CDH9: variants seen among roughly 807,000 people sequenced by gnomAD.
CDH9 encodes cadherin 9.
Under a neutral mutation model 70.9 loss-of-function variants are expected in CDH9, and 28 were observed. That is an observed-to-expected ratio of 0.40 (90% CI 0.29 to 0.54). CDH9 has a LOEUF of 0.54. Among genes scored for constraint, CDH9 ranks in the 20% least tolerant of loss-of-function variants. The pLI is 0.59. For synonymous variants in CDH9, 409 were observed against 343.1 expected, an observed-to-expected ratio of 1.19 and a Z score of -2.12; for missense variants, 874 against 984.4, an observed-to-expected ratio of 0.89 and a Z score of 1.50.
At chr5:26,950,682 A>G (rs1239925795) in intron 2 of CDH9, among the ~76,000 whole-genome samples, 1 of 152,252 alleles carries the variant, frequency 6.6e-6, no homozygotes, top group Admixed American at 6.5e-5. Flanking sequence ...ATACATAGAA[A>G]AAGAGATCAA....
intron 1 of CDH9, 78 bp from the exon 2 acceptor site, chr5:26,988,460 T>C (rs1370825848): frequency 1.3e-5 from 16 of 1,242,490 alleles, no homozygotes; most frequent in Non-Finnish European, 1.6e-5. Context: ...GAAATACTTA[T>C]TCCAGACATT....
intron 7 of CDH9, among the ~76,000 whole-genome samples, chr5:26,898,676 T>G (rs538593734): frequency 1.3e-5 from 2 of 152,152 alleles, no homozygotes; most frequent in Non-Finnish European, 2.9e-5. Flanking sequence ...TCACTCAAGA[T>G]GGACTGAAGA....
chr5:26,959,525 AAT>A (rs1322175420), intron 2 of CDH9, among the ~76,000 whole-genome samples: 1 of 152,132 alleles, frequency 6.6e-6, no homozygotes, highest in African/African-American at 2.4e-5. Flanking sequence ...AATAATTGAA[AAT>A]ATGTTTTCAC....
chr5:26,946,159 G>A (rs1741748868), intron 2 of CDH9, among the ~76,000 whole-genome samples: 1 of 152,152 alleles, frequency 6.6e-6, no homozygotes, highest in Non-Finnish European at 1.5e-5. Flanking sequence ...TTCTAGCTGT[G>A]TGAAAGAGAC....
intron 2 of CDH9, among the ~76,000 whole-genome samples, chr5:26,984,234 G>A (rs1255135038): frequency 6.6e-6 from 1 of 152,062 alleles, no homozygotes; most frequent in Admixed American, 6.6e-5. Flanking sequence ...ATTTAATAGT[G>A]GCTACCTATA....
At chr5:26,992,111 C>T (rs1315145700) in intron 1 of CDH9, among the ~76,000 whole-genome samples, 1 of 152,130 alleles carries the variant, frequency 6.6e-6, no homozygotes, top group Non-Finnish European at 1.5e-5. Flanking sequence ...CCTTGCACGC[C>T]CAGCTCACAA....
Position 26,961,826 on chromosome 5 carries a change from CT to C in CDH9, c.228+26279del, listed in dbSNP as rs527585380. On this transcript the variant is annotated intron_variant, in intron 2 of 11. Coordinates refer to ENST00000231021, the MANE Select transcript of CDH9 (RefSeq NM_016279.4). ...CATGAGTGCATTATCCAGAAGCCCC[CT>C]TTTTTTTAAATTGTCATACTTTAAG... 1.2e-4 allele frequency among the ~76,000 whole-genome samples: 18 copies of C among 151,934 alleles called. No individual in the cohort carries two copies. In the East Asian group the frequency reaches 2.3e-3, roughly 20 times the overall value.
chr5:26,918,743 T>A (rs1741192080), intron 2 of CDH9, among the ~76,000 whole-genome samples: 1 of 152,202 alleles, frequency 6.6e-6, no homozygotes, highest in Non-Finnish European at 1.5e-5. Flanking sequence ...AATCTTCTCC[T>A]GCCTTTGGAC....
intron 2 of CDH9, among the ~76,000 whole-genome samples, chr5:26,981,783 AAC>A (rs2112084842): frequency 6.6e-6 from 1 of 152,304 alleles, no homozygotes; most frequent in South Asian, 2.1e-4. Context: ...ATAGAAAATC[AAC>A]AGTGTCAAAA....
At chr5:27,036,183 T>C (rs1256266685) in intron 1 of CDH9, among the ~76,000 whole-genome samples, 1 of 151,872 alleles carries the variant, frequency 6.6e-6, no homozygotes, top group African/African-American at 2.4e-5. Flanking sequence ...GCTAAGCCAG[T>C]AGAATAAAAA....
rs1384245488 is a variant in CDH9 at position 26,915,104 on chromosome 5, G to T, written c.523+526C>A. On this transcript the variant is annotated intron_variant, in intron 3 of 11. Transcript: ENST00000231021. ...TTGCAATCTTGTCATGATGCTACCA[G>T]GTTATTTGATCTTAATTCAGTTGCT... Among the ~76,000 whole-genome samples, 11 of 152,018 alleles carry T rather than the reference G, an allele frequency of 7.2e-5. No individual in the cohort carries two copies. The South Asian group carries it at 2.3e-3, about 31-fold the overall frequency.
intron 3 of CDH9, among the ~76,000 whole-genome samples, chr5:26,907,377 C>T (rs1487786807): frequency 1.3e-5 from 2 of 151,976 alleles, no homozygotes; most frequent in African/African-American, 4.8e-5. Context: ...CCAAGATATA[C>T]CTAATTATGA....
intron 3 of CDH9, among the ~76,000 whole-genome samples, chr5:26,912,907 A>G (rs953551103): frequency 2.6e-5 from 4 of 152,066 alleles, no homozygotes; most frequent in African/African-American, 4.8e-5. Context: ...CTGAGAGTGA[A>G]TAAGTCCCAA....
At chr5:26,881,729 C>A in intron 11 of CDH9, 106 bp from the exon 12 acceptor site, 4 of 1,029,572 alleles carry the variant, frequency 3.9e-6, no homozygotes, top group Non-Finnish European at 4.2e-6. Context: ...TAAGATTGAT[C>A]GAATAAAAAG....
intron 2 of CDH9, among the ~76,000 whole-genome samples, chr5:26,978,921 AAAATG>A (rs1377996500): frequency 6.6e-6 from 1 of 151,836 alleles, no homozygotes; most frequent in Non-Finnish European, 1.5e-5. Context: ...TTCAAAAATG[AAAATG>A]AAATAAAGAT....
intron 1 of CDH9, among the ~76,000 whole-genome samples, chr5:27,035,736 G>C (rs1351349886): frequency 1.3e-5 from 2 of 151,138 alleles, no homozygotes. Flanking sequence ...GTGTGTATGT[G>C]TGTCCTTGAA....
At chr5:27,019,463 G>A (rs960419738) in intron 1 of CDH9, among the ~76,000 whole-genome samples, 1 of 151,738 alleles carries the variant, frequency 6.6e-6, no homozygotes, top group Non-Finnish European at 1.5e-5. Context: ...AGTCTACTTT[G>A]TAATTGTTTC....
chr5:26,929,967 CT>C (rs1003062636), intron 2 of CDH9, among the ~76,000 whole-genome samples: 23 of 151,764 alleles, frequency 1.5e-4, no homozygotes, highest in African/African-American at 5.6e-4. Flanking sequence ...ATTCATTGCA[CT>C]TTTAAAAATA....
At chr5:26,926,582 A>G (rs77628489) in intron 2 of CDH9, among the ~76,000 whole-genome samples, 11 of 123,930 alleles carry the variant, frequency 8.9e-5, no homozygotes, top group South Asian at 2.7e-4. Context: ...ACAGAATTGG[A>G]AAAAAAAACT....
Sources: allele counts gnomAD v4.1 joint callset (sites outside exome capture counted in the v4.1 genomes callset), GRCh38; gene constraint gnomAD v4.1.1; transcripts MANE v1.5; gene names NCBI Gene and HGNC (gene_info 2026-07-23, HGNC 2026-07-21).